The following PRKAR2A variants were observed in gnomAD, a reference collection of about 807,000 sequenced individuals.
The protein encoded by PRKAR2A is cAMP-dependent protein kinase type II-alpha regulatory subunit.
A neutral mutation model predicts 51.9 loss-of-function variants in PRKAR2A; 29 were observed. The ratio of observed to expected loss-of-function variants is 0.56; its 90% confidence interval spans 0.42 to 0.76. The LOEUF (loss-of-function observed/expected upper bound fraction) is 0.76, where lower values mean the gene tolerates loss of function less well. PRKAR2A is among the 30% of genes least tolerant of loss of function. PRKAR2A has a pLI of 0.00. For missense variants in PRKAR2A, 445 were observed against 512.1 expected (o/e 0.87, Z 1.26); for synonymous variants, 178 against 186.2 (o/e 0.96, Z 0.36).
chr3:48,831,039 T>G (rs879759694), intron 1 of PRKAR2A, among the ~76,000 whole-genome samples: 6 of 152,154 alleles, frequency 3.9e-5, no homozygotes, highest in Non-Finnish European at 8.8e-5. Flanking sequence ...GCGGCCCAGT[T>G]CCTAGCAGGC....
At chr3:48,765,536 C>CA (rs1420320163) in intron 6 of PRKAR2A, among the ~76,000 whole-genome samples, 187 bp from the exon 7 acceptor site, 2 of 152,092 alleles carry the variant, frequency 1.3e-5, no homozygotes, top group Non-Finnish European at 2.9e-5. Context: ...GCCAGATGCC[C>CA]ACATGCTGTT....
chr3:48,757,217 CA>C (rs1416490033), intron 8 of PRKAR2A, among the ~76,000 whole-genome samples: 2 of 152,116 alleles, frequency 1.3e-5, no homozygotes, highest in East Asian at 3.9e-4. Flanking sequence ...GAAAGATCTG[CA>C]AGTGATAGGT....
rs1425156168 is a variant in PRKAR2A, at chr3:48,750,741, C to T, written c.*844G>A. ...GTGATAGCAACCCTCCAGACCCTGG[C>T]TCCTTATAAATGTATAGCAATTCAT... On this transcript the variant is annotated 3_prime_UTR_variant, in exon 11 of 11. Transcript: ENST00000265563. The T allele has an allele frequency of 6.5e-6, 1 of 152,920 alleles. No homozygotes were observed. Among genetic ancestry groups the T allele is most frequent in the Non-Finnish European group, 1.5e-5 (1 of 68,248 alleles). 9.5% of individuals were successfully genotyped at this position (152,920 alleles called of 1,614,324 possible). A position where few individuals can be genotyped will look rare whatever the true frequency, so the allele number is the denominator to read the frequency against.
In PRKAR2A at chr3:48,791,873, G is replaced by A. The variant is rs187441633; in HGVS notation, c.352-1246C>T. Among the ~76,000 whole-genome samples the A allele has an allele frequency of 2.9e-3, 351 of 122,718 alleles. 5 individuals carry two copies. Among genetic ancestry groups the A allele is most frequent in the East Asian group, 0.014 (54 of 3,744 alleles). The allele number at this position is 122,718 out of a possible 152,430, so 80.5% of individuals were successfully genotyped here. A position where few individuals can be genotyped will look rare whatever the true frequency, so the allele number is the denominator to read the frequency against. ...AGCCAAGATCAGGCCATTGCACTCC[G>A]GCCTGGGCAACAAGAGCGAAACTCT... On this transcript the variant is annotated intron_variant, in intron 3 of 10. Transcript: ENST00000265563.
chr3:48,807,657 C>T lies in PRKAR2A; in HGVS notation c.290G>A (p.Arg97Gln), dbSNP rs867755154. Residue 97 changes from arginine to glutamine, a missense_variant, in exon 2 of 11, where the codon CGA becomes CAA. Arg to Gln is a conservative substitution (Grantham distance 43, BLOSUM62 1). Coordinates refer to ENST00000265563, the MANE Select transcript of PRKAR2A (RefSeq NM_004157.4). The stretch of plus-strand genomic sequence containing the variant: ...TGAAATAGAACACATACCTGATACT[C>T]GTCTATTAAATCTGCTAGGAACTGG... ...EVPVPSRFNR[R>Q]VSVCAETYNP... 6.3e-7 allele frequency: 1 copy of T among 1,599,110 alleles called. No homozygotes were observed. The highest frequency in any genetic ancestry group is 8.6e-7 in the Non-Finnish European group (1 of 1,167,318).
chr3:48,773,063 A>G lies in PRKAR2A; in HGVS notation c.588T>C (p.Ser196=). 3.1e-6 allele frequency: 5 copies of G among 1,612,982 alleles called. No homozygotes were observed. Among genetic ancestry groups the G allele is most frequent in the East Asian group, 2.2e-5 (1 of 44,866 alleles). The change falls in exon 6 of 11, where the codon TCT becomes TCC. Residue 196 remains serine (S), a synonymous_variant. Coordinates refer to ENST00000265563, the MANE Select transcript of PRKAR2A (RefSeq NM_004157.4). ...TGCCACGGTTGTCATATTGACCAAC[A>G]GAGCGGGTTTGATTATCTTTTGTTA... ...ILVTKDNQTR[S]VGQYDNRGSF...
In PRKAR2A at chr3:48,782,995, A is replaced by G. The variant is rs2082226234; in HGVS notation, c.533T>C (p.Val178Ala). The stretch of plus-strand genomic sequence containing the variant: ...AAGCTCCATCTCCTACCGTTCTATG[A>G]CATAAAAGTTGTCTCCATCATCTCC... Reference protein sequence around the residue: ...DQGDDGDNFYVIERGTYDILV... With the variant: ...DQGDDGDNFYAIERGTYDILV... Residue 178 changes from valine to alanine, a missense_variant, in exon 5 of 11, where the codon GTC (valine) becomes GCC (alanine). Val to Ala is a moderately conservative substitution (Grantham distance 64, BLOSUM62 0). Coordinates refer to ENST00000265563, the MANE Select transcript of PRKAR2A (RefSeq NM_004157.4). 1 of 1,605,678 alleles carries G rather than the reference A, an allele frequency of 6.2e-7. No homozygotes were observed. The highest frequency in any genetic ancestry group is 8.5e-7 in the Non-Finnish European group (1 of 1,172,520).
At chr3:48,829,843 G>A (rs2083152488) in intron 1 of PRKAR2A, among the ~76,000 whole-genome samples, 1 of 48,402 alleles carries the variant, frequency 2.1e-5, no homozygotes, top group African/African-American at 1.0e-4. Flanking sequence ...ATATATGCGT[G>A]TGTGTATATA....
At chr3:48,842,774 A>T (rs948275126) in intron 1 of PRKAR2A, among the ~76,000 whole-genome samples, 2 of 152,152 alleles carry the variant, frequency 1.3e-5, no homozygotes. Context: ...CCACTTGATC[A>T]TGGTGGATAA....
intron 9 of PRKAR2A, among the ~76,000 whole-genome samples, chr3:48,753,284 T>C (rs2081693699): frequency 6.6e-6 from 1 of 151,676 alleles, no homozygotes; most frequent in South Asian, 2.1e-4. Context: ...ATTATATTAA[T>C]ATCTAGAGGT....
rs1159769555 is a variant in PRKAR2A at position 48,829,621 on chromosome 3, C to A, written c.262+17714G>T. On this transcript the variant is annotated intron_variant, in intron 1 of 10. Coordinates refer to ENST00000265563, the MANE Select transcript of PRKAR2A (RefSeq NM_004157.4). The stretch of plus-strand genomic sequence containing the variant: ...ACACACATAAATGTGTGTGTGTATA[C>A]GTGTGTATACACACACATAAATGTG... 3.2e-4 allele frequency among the ~76,000 whole-genome samples: 41 copies of A among 127,620 alleles called. 5 individuals are homozygous for A. Among genetic ancestry groups the A allele is most frequent in the Middle Eastern group, 4.5e-3 (1 of 222 alleles). The allele number at this position is 127,620 out of a possible 152,430, so 83.7% of individuals were successfully genotyped here.
intron 2 of PRKAR2A, among the ~76,000 whole-genome samples, chr3:48,806,080 G>A (rs2082672598): frequency 6.6e-6 from 1 of 152,148 alleles, no homozygotes; most frequent in Non-Finnish European, 1.5e-5. Flanking sequence ...TAGCTCATGG[G>A]TATCAAACTA....
chr3:48,784,378 G>A (rs1057230204), intron 4 of PRKAR2A, among the ~76,000 whole-genome samples: 1 of 152,272 alleles, frequency 6.6e-6, no homozygotes, highest in African/African-American at 2.4e-5. Flanking sequence ...TTAGTTCCAC[G>A]TGCGTTGAAT....
chr3:48,829,586 G>A lies in PRKAR2A; in HGVS notation c.262+17749C>T, dbSNP rs1559646198. Among the ~76,000 whole-genome samples the A allele has an allele frequency of 5.9e-4, 40 of 67,602 alleles. 1 individual carries two copies. The highest frequency in any genetic ancestry group is 1.3e-3 in the Admixed American group (8 of 6,302). 44.3% of individuals were successfully genotyped at this position (67,602 alleles called of 152,430 possible). On this transcript the variant is annotated intron_variant, in intron 1 of 10. Transcript: ENST00000265563. ...TATACACACATAAATATATATGTGT[G>A]TATATATACACACACATAAATGTGT... is the stretch of plus-strand genomic sequence containing the variant.
chr3:48,783,347 T>G (rs930965578), intron 4 of PRKAR2A, among the ~76,000 whole-genome samples: 1 of 152,132 alleles, frequency 6.6e-6, no homozygotes. Context: ...CACAAAAATA[T>G]TATCTAAATT....
At chr3:48,766,387 G>A (rs190444927) in intron 6 of PRKAR2A, among the ~76,000 whole-genome samples, 4 of 150,872 alleles carry the variant, frequency 2.7e-5, no homozygotes, top group Non-Finnish European at 5.9e-5. Flanking sequence ...GTGCAACATG[G>A]TGAAACCCCA....
In PRKAR2A at chr3:48,755,756, G is replaced by C. The variant is rs1347004212; in HGVS notation, c.939+623C>G. ...CAAAGTGCTAGGATTACAGGTGTGA[G>C]ACATTGCGCCCAGCCCCCATTTCCT... On this transcript the variant is annotated intron_variant, in intron 9 of 10. Transcript: ENST00000265563. Among the ~76,000 whole-genome samples, 3 of 146,820 alleles carry C rather than the reference G, an allele frequency of 2.0e-5. No homozygotes were observed. In the East Asian group the frequency reaches 5.9e-4, roughly 29 times the overall value.
intron 5 of PRKAR2A, among the ~76,000 whole-genome samples, chr3:48,774,068 A>G (rs1265778392): frequency 6.6e-6 from 1 of 152,144 alleles, no homozygotes; most frequent in Admixed American, 6.6e-5. Flanking sequence ...CCTGGGCTCA[A>G]GCAATCCTCC....
chr3:48,794,492 C>T (rs759772942), intron 2 of PRKAR2A, among the ~76,000 whole-genome samples: 3 of 151,900 alleles, frequency 2.0e-5, no homozygotes, highest in Non-Finnish European at 2.9e-5. Flanking sequence ...GTCAAGAGAT[C>T]GAGACCATCC....
Sources: allele counts gnomAD v4.1 joint callset (sites outside exome capture counted in the v4.1 genomes callset), GRCh38; gene constraint gnomAD v4.1.1; transcripts MANE v1.5; gene names NCBI Gene and HGNC (gene_info 2026-07-23, HGNC 2026-07-21).